SHANK2: variants seen among roughly 807,000 people sequenced by gnomAD.
SHANK2 encodes the protein SH3 and multiple ankyrin repeat domains 2.
Under a neutral mutation model 133.7 loss-of-function variants are expected in SHANK2, and 43 were observed. The ratio of observed to expected loss-of-function variants is 0.32; its 90% confidence interval spans 0.25 to 0.41. SHANK2 has a LOEUF of 0.41. SHANK2 is among the 10% of genes least tolerant of loss of function. The pLI, the probability that SHANK2 is intolerant of heterozygous loss-of-function variation, is 1.00. For synonymous variants in SHANK2, 1,017 were observed against 952.8 expected (o/e 1.07, Z -1.24); for missense variants, 1,994 against 2,235.8 (o/e 0.89, Z 2.18).
intron 1 of SHANK2, among the ~76,000 whole-genome samples, chr11:71,237,957 T>A (rs1954843714): frequency 6.6e-6 from 1 of 152,172 alleles, no homozygotes; most frequent in Non-Finnish European, 1.5e-5. Context: ...TCCCATGGGA[T>A]AAGGGGGCCC....
intron 9 of SHANK2, among the ~76,000 whole-genome samples, chr11:71,062,175 C>G (rs1223776241): frequency 5.9e-5 from 9 of 152,056 alleles, no homozygotes; most frequent in Non-Finnish European, 1.2e-4. Flanking sequence ...AGGCTGGTCT[C>G]CATCTCCTGG....
At position 71,147,259 on chromosome 11, in the gene SHANK2, G is replaced by A. The variant is rs782481305; in HGVS notation, c.68C>T (p.Ser23Leu). 1.1e-5 allele frequency: 17 copies of A among 1,550,876 alleles called. No individual in the cohort carries two copies. Among genetic ancestry groups the A allele is most frequent in the African/African-American group, 1.1e-4 (8 of 73,052 alleles). Residue 23 changes from serine (S) to leucine (L), a missense_variant, in exon 3 of 26, where the codon TCG (serine) becomes TTG (leucine). By Grantham distance (145) the Ser-to-Leu change is moderately radical (BLOSUM62 -2). Transcript: ENST00000601538. ...CTCTTCTTTGGAGCTGTCTGACTCC[G>A]ACCCCACGGAGTAGTCGGAGAAGCT... ...AQSFSDYSVG[S>L]ESDSSKEETI...
intron 17 of SHANK2, among the ~76,000 whole-genome samples, chr11:70,613,772 T>TTTTTTC (rs2060699280): frequency 6.8e-6 from 1 of 147,160 alleles, no homozygotes; most frequent in African/African-American, 2.5e-5. Flanking sequence ...TGTTTTTTTT[T>TTTTTTC]TTTTTTCTTT....
intron 17 of SHANK2, among the ~76,000 whole-genome samples, chr11:70,531,818 G>A (rs797031874): frequency 1.3e-5 from 2 of 152,240 alleles, no homozygotes; most frequent in South Asian, 2.1e-4. Flanking sequence ...CCCCACTGAT[G>A]AGACGGGGTC....
At chr11:70,701,813 T>C (rs1208138747) in intron 14 of SHANK2, among the ~76,000 whole-genome samples, 1 of 152,162 alleles carries the variant, frequency 6.6e-6, no homozygotes, top group African/African-American at 2.4e-5. Context: ...ACTTGGGCTC[T>C]GGGATATGGT....
At chr11:70,909,714 C>T (rs1950160718) in intron 10 of SHANK2, among the ~76,000 whole-genome samples, 3 of 152,200 alleles carry the variant, frequency 2.0e-5, no homozygotes, top group Non-Finnish European at 2.9e-5. Context: ...AGTTCTCTTG[C>T]ACAGCAGCCC....
intron 6 of SHANK2, among the ~76,000 whole-genome samples, chr11:71,097,628 C>T (rs1243498548): frequency 1.3e-5 from 2 of 152,188 alleles, no homozygotes; most frequent in African/African-American, 4.8e-5. Context: ...AGACTGTTGG[C>T]TCCAGGGATA....
Position 70,486,902 on chromosome 11 carries a change from C to A in SHANK2, c.3391G>T (p.Asp1131Tyr), listed in dbSNP as rs377435833. The part of the protein sequence containing the change: ...TRPSMFPEEG[D>Y]FADEDSAEQL... The stretch of plus-strand genomic sequence containing the variant: ...TCAGCGCTGTCCTCGTCAGCAAAAT[C>A]CCCCTCCTCGGGGAACATGGAGGGC... The change falls in exon 25 of 26, where the codon GAT becomes TAT. Residue 1131 changes from aspartate to tyrosine, a missense_variant. By Grantham distance (160) the Asp-to-Tyr change is radical. Transcript: ENST00000601538. This position sits in a 1 kb window ranked among gnomAD's most constrained non-coding sequence, Gnocchi z 8.0. The A allele has an allele frequency of 6.2e-7, 1 of 1,612,676 alleles. No individual in the cohort carries two copies. Among genetic ancestry groups the A allele is most frequent in the Non-Finnish European group, 8.5e-7 (1 of 1,179,828 alleles).
chr11:70,778,831 G>A (rs544210176), intron 14 of SHANK2, among the ~76,000 whole-genome samples: 1 of 152,300 alleles, frequency 6.6e-6, no homozygotes, highest in South Asian at 2.1e-4. Flanking sequence ...GCAGCCCAGT[G>A]TAGCACTAAG....
intron 14 of SHANK2, among the ~76,000 whole-genome samples, chr11:70,712,931 T>C (rs1370620359): frequency 6.6e-6 from 1 of 152,246 alleles, no homozygotes; most frequent in African/African-American, 2.4e-5. Flanking sequence ...TCCTCCCATG[T>C]GCGCACATGT....
chr11:70,654,955 G>A (rs1388101815), intron 17 of SHANK2, among the ~76,000 whole-genome samples: 1 of 152,016 alleles, frequency 6.6e-6, no homozygotes, highest in Admixed American at 6.5e-5. Context: ...TTTTAGTAGA[G>A]ACGGGGTTTC....
Position 70,708,436 on chromosome 11 carries a change from G to C in SHANK2, c.1778-9673C>G, listed in dbSNP as rs1339106662. ...GGATTCAAGATGACAACCAAGTAAC[G>C]TCCCCTCCACGTTTCCAATCAGTCC... On this transcript the variant is annotated intron_variant, in intron 14 of 25. Coordinates refer to ENST00000601538, the MANE Select transcript of SHANK2 (RefSeq NM_012309.5). 2.6e-5 allele frequency among the ~76,000 whole-genome samples: 4 copies of C among 152,052 alleles called. No homozygotes were observed. In the East Asian group the frequency reaches 7.7e-4, roughly 29 times the overall value.
At position 71,087,627 on chromosome 11, in the gene SHANK2, T is replaced by TTTG. The variant is rs1236654031; in HGVS notation, c.912+4792_912+4794dup. On this transcript the variant is annotated intron_variant, in intron 8 of 25. Coordinates refer to ENST00000601538, the MANE Select transcript of SHANK2 (RefSeq NM_012309.5). ...CGGGTCCCATACGCATTTAGCTGGT[T>TTTG]TTGTTGTTGTTGTTGTTGTTGTTGT... 8.4e-3 allele frequency among the ~76,000 whole-genome samples: 1,274 copies of TTTG among 151,756 alleles called. 10 individuals are homozygous for TTTG. Among genetic ancestry groups the TTTG allele is most frequent in the African/African-American group, 0.016 (673 of 41,414 alleles).
chr11:70,696,990 C>T (rs964161730), intron 15 of SHANK2, among the ~76,000 whole-genome samples: 1 of 152,226 alleles, frequency 6.6e-6, no homozygotes, highest in Non-Finnish European at 1.5e-5. Context: ...AGACATTACG[C>T]TCAGTGAAAG....
At chr11:70,852,499 A>T (rs1209954941) in intron 11 of SHANK2, among the ~76,000 whole-genome samples, 3 of 152,166 alleles carry the variant, frequency 2.0e-5, no homozygotes, top group Non-Finnish European at 4.4e-5. Flanking sequence ...ACACTGCCAC[A>T]GTCTGCACTC....
At chr11:71,059,897 G>A (rs906201637) in intron 9 of SHANK2, among the ~76,000 whole-genome samples, 97 of 152,274 alleles carry the variant, frequency 6.4e-4, no homozygotes, top group Admixed American at 2.2e-3. Context: ...CACTGAGGCC[G>A]CCTCTGTACA....
intron 14 of SHANK2, among the ~76,000 whole-genome samples, chr11:70,789,283 C>A (rs1947736076): frequency 6.6e-6 from 1 of 152,122 alleles, no homozygotes; most frequent in Admixed American, 6.5e-5. Flanking sequence ...CCATTGAGTG[C>A]CACAAAAAAG....
intron 1 of SHANK2, among the ~76,000 whole-genome samples, chr11:71,228,153 G>A (rs1253737853): frequency 2.6e-5 from 4 of 152,168 alleles, no homozygotes; most frequent in Admixed American, 2.6e-4. Flanking sequence ...TGACAATGTA[G>A]ATGAAATAAA....
At chr11:70,626,412 C>T (rs1554999986) in intron 17 of SHANK2, among the ~76,000 whole-genome samples, 1 of 152,210 alleles carries the variant, frequency 6.6e-6, no homozygotes, top group Non-Finnish European at 1.5e-5. Context: ...CCTCATATCA[C>T]AGCGAAGCCT....
Sources: gnomAD v4.1 joint callset for allele counts (sites outside exome capture counted in the v4.1 genomes callset) on GRCh38, gnomAD v4.1.1 for gene constraint, Gnocchi (gnomAD v3.1) non-coding constraint, MANE v1.5 for transcripts, NCBI Gene and HGNC (gene_info 2026-07-23, HGNC 2026-07-21) for gene names.